RPRD2: variants seen among roughly 807,000 people sequenced by gnomAD.
The protein encoded by RPRD2 is regulation of nuclear pre-mRNA domain containing 2.
Under a neutral mutation model 104.4 loss-of-function variants are expected in RPRD2, and 12 were observed. The ratio of observed to expected loss-of-function variants is 0.11; its 90% CI spans 0.07 to 0.19. The LOEUF (loss-of-function observed/expected upper bound fraction) is 0.19, where lower values mean the gene tolerates loss of function less well. Ranked by LOEUF, RPRD2 falls within the 10% of genes least tolerant of loss-of-function variation. RPRD2 has a pLI of 1.00. For synonymous variants in RPRD2, 714 were observed against 684.9 expected (o/e 1.04, Z -0.66); for missense variants, 1,543 against 1,790.1 (o/e 0.86, Z 2.49).
intron 1 of RPRD2, among the ~76,000 whole-genome samples, chr1:150,414,395 T>G (rs1298313633): frequency 1.3e-5 from 2 of 152,156 alleles, no homozygotes; most frequent in Non-Finnish European, 2.9e-5. Context: ...AGCTAACAAG[T>G]GACAGAGCCA....
intron 1 of RPRD2, among the ~76,000 whole-genome samples, chr1:150,396,338 TC>T (rs1423282837): frequency 1.3e-5 from 2 of 152,168 alleles, no homozygotes; most frequent in African/African-American, 4.8e-5. Context: ...CTTTTGCTCT[TC>T]AAAAGCTCTT....
At chr1:150,373,885 A>G (rs1660513674) in intron 1 of RPRD2, among the ~76,000 whole-genome samples, 1 of 152,140 alleles carries the variant, frequency 6.6e-6, no homozygotes, top group South Asian at 2.1e-4. Context: ...ATAGAGCAGC[A>G]AGTACAGATA....
At chr1:150,470,265 A>C (rs762223067) in intron 10 of RPRD2, among the ~76,000 whole-genome samples, 2 of 152,110 alleles carry the variant, frequency 1.3e-5, no homozygotes, top group Non-Finnish European at 2.9e-5. Flanking sequence ...AACTTAAACT[A>C]TGAATGATTC....
intron 2 of RPRD2, among the ~76,000 whole-genome samples, chr1:150,429,845 A>G (rs1300843260): frequency 5.3e-5 from 8 of 152,230 alleles, no homozygotes; most frequent in Non-Finnish European, 1.2e-4. Flanking sequence ...AAATAACTAC[A>G]TCCTTGACAA....
At chr1:150,373,220 G>A (rs1291862105) in intron 1 of RPRD2, among the ~76,000 whole-genome samples, 2 of 151,920 alleles carry the variant, frequency 1.3e-5, no homozygotes, top group East Asian at 3.9e-4. Context: ...CATCATATTG[G>A]TCACGCTGGT....
At chr1:150,369,894 C>T (rs1660172156) in intron 1 of RPRD2, among the ~76,000 whole-genome samples, 1 of 151,994 alleles carries the variant, frequency 6.6e-6, no homozygotes, top group African/African-American at 2.4e-5. Context: ...GATTTTCATG[C>T]CTCCGCTTCC....
In RPRD2 at chr1:150,398,179, G is replaced by C. The variant is rs1662679135; in HGVS notation, c.206-19417G>C. ...GCCACTATGCCTGGCTAATTTTTGT[G>C]TTTTTATATTTATTTTATTTTATTT... On this transcript the variant is annotated intron_variant, in intron 1 of 10. Coordinates refer to ENST00000369068, the MANE Select transcript of RPRD2 (RefSeq NM_015203.5). Among the ~76,000 whole-genome samples the C allele has an allele frequency of 4.6e-5, 3 of 64,582 alleles. No individual in the cohort carries two copies. In the South Asian group the frequency reaches 1.2e-3, roughly 25 times the overall value. 42.4% of individuals were successfully genotyped at this position (64,582 alleles called of 152,430 possible). A position where few individuals can be genotyped will look rare whatever the true frequency, so the allele number is the denominator to read the frequency against.
At chr1:150,435,674 G>T (rs189680031) in intron 2 of RPRD2, among the ~76,000 whole-genome samples, 10 of 152,316 alleles carry the variant, frequency 6.6e-5, no homozygotes, top group Admixed American at 6.5e-4. Context: ...GTGGAAATAG[G>T]TTCATGAGAT....
At chr1:150,436,873 C>T (rs1406262548) in intron 2 of RPRD2, among the ~76,000 whole-genome samples, 1 of 120,456 alleles carries the variant, frequency 8.3e-6, no homozygotes, top group South Asian at 2.4e-4. Flanking sequence ...CCATTGCACT[C>T]CAGCCTGGGC....
intron 8 of RPRD2, among the ~76,000 whole-genome samples, 164 bp downstream of exon 8, chr1:150,457,734 C>CTT (rs1667635850): frequency 1.3e-5 from 2 of 152,146 alleles, no homozygotes; most frequent in Non-Finnish European, 2.9e-5. Flanking sequence ...TTTGATATGC[C>CTT]AAATGTGTTA....
At chr1:150,418,123 A>T (rs1380089739) in intron 2 of RPRD2, among the ~76,000 whole-genome samples, 1 of 152,012 alleles carries the variant, frequency 6.6e-6, no homozygotes, top group African/African-American at 2.4e-5. Context: ...GCGTGCTACC[A>T]TGTCCGGCTA....
At chr1:150,447,124 C>A (rs587716645) in intron 7 of RPRD2, among the ~76,000 whole-genome samples, 1 of 152,058 alleles carries the variant, frequency 6.6e-6, no homozygotes, top group Non-Finnish European at 1.5e-5. Flanking sequence ...CAGGAGCCAC[C>A]GTGCCCGGCC....
intron 2 of RPRD2, among the ~76,000 whole-genome samples, chr1:150,421,565 A>G (rs150460668): frequency 0.014 from 2,110 of 152,326 alleles, 53 homozygotes; most frequent in African/African-American, 0.048. Flanking sequence ...GTTATCAAAT[A>G]TATCTTAAAA....
chr1:150,433,285 AC>A (rs1464032659), intron 2 of RPRD2, among the ~76,000 whole-genome samples: 1 of 149,634 alleles, frequency 6.7e-6, no homozygotes, highest in Admixed American at 6.7e-5. Context: ...AGATTTGCAT[AC>A]AAAGCAAAAC....
chr1:150,432,161 A>G (rs1220820230), intron 2 of RPRD2, among the ~76,000 whole-genome samples: 1 of 147,484 alleles, frequency 6.8e-6, no homozygotes, highest in Non-Finnish European at 1.5e-5. Flanking sequence ...GTGATGGAAC[A>G]AGACCCTAAA....
intron 10 of RPRD2, among the ~76,000 whole-genome samples, chr1:150,468,122 C>T (rs7417465): frequency 0.22 from 33,765 of 151,990 alleles, 4,264 homozygotes; most frequent in African/African-American, 0.32. Flanking sequence ...GCCTGGGCGA[C>T]GAGCAAAACT....
intron 7 of RPRD2, among the ~76,000 whole-genome samples, chr1:150,452,148 A>G (rs1553896745): frequency 6.8e-6 from 1 of 147,484 alleles, no homozygotes; most frequent in Admixed American, 6.7e-5. Context: ...TCTCAAAAAA[A>G]AAAAAAAAAA....
In RPRD2 at chr1:150,388,807, A is replaced by G. The variant is rs188575197; in HGVS notation, c.205+23888A>G. Among the ~76,000 whole-genome samples, 1,208 of 151,900 alleles carry G rather than the reference A, an allele frequency of 8.0e-3. 23 individuals carry two copies. The highest frequency in any genetic ancestry group is 0.028 in the African/African-American group (1,157 of 41,406). On this transcript the variant is annotated intron_variant, in intron 1 of 10. Coordinates refer to ENST00000369068, the MANE Select transcript of RPRD2 (RefSeq NM_015203.5). ...TTTTTAGTAGAGGCGGGGTTTCACC[A>G]TATTGGCCAGGCTGGTCTTGAACCC... is the stretch of plus-strand genomic sequence containing the variant.
intron 1 of RPRD2, among the ~76,000 whole-genome samples, chr1:150,373,347 G>A (rs919824400): frequency 6.6e-6 from 1 of 151,750 alleles, no homozygotes; most frequent in Non-Finnish European, 1.5e-5. Context: ...TCTTGTTTCT[G>A]CTGGAACAGG....
Sources: allele counts gnomAD v4.1 joint callset (sites outside exome capture counted in the v4.1 genomes callset), GRCh38; gene constraint gnomAD v4.1.1; transcripts MANE v1.5; gene names NCBI Gene and HGNC (gene_info 2026-07-23, HGNC 2026-07-21).